ISM2: variants seen among roughly 807,000 people sequenced by gnomAD.
The protein encoded by ISM2 is isthmin 2.
A neutral mutation model predicts 58.0 loss-of-function variants in ISM2; 50 were observed. The ratio of observed to expected loss-of-function variants is 0.86; its 90% CI spans 0.69 to 1.09. ISM2 has a LOEUF of 1.09. Ranked by LOEUF, ISM2 falls within the 50% of genes least tolerant of loss-of-function variation. The pLI is 0.00. For synonymous variants in ISM2, 303 were observed against 312.4 expected, an observed-to-expected ratio of 0.97 and a Z score of 0.32; for missense variants, 723 against 745.0, an observed-to-expected ratio of 0.97 and a Z score of 0.34.
At position 77,482,546 on chromosome 14, in the gene ISM2, C is replaced by T; in HGVS notation, c.749G>A (p.Trp250Ter). The T allele has an allele frequency of 6.2e-7, 1 of 1,614,090 alleles. No individual in the cohort carries two copies. The highest frequency in any genetic ancestry group is 2.2e-5 in the East Asian group (1 of 44,882). The change falls in exon 4 of 7, where the codon TGG (tryptophan) becomes TAG (stop). Residue 250 changes from tryptophan to a stop codon, truncating the protein, a stop_gained. Transcript: ENST00000342219. LOFTEE classifies it high-confidence loss of function. ...TTTTTCCTCTCCTTTGTAGTCTCCC[C>T]AGAGGAAGGACCAGAGGGCGGGCAG... ...SWLPALWSFL[W>*]GDYKGEEKDR...
In ISM2 at chr14:77,498,644, GC is replaced by G; in HGVS notation, c.141+8del. On this transcript the variant is annotated splice_region_variant and intron_variant, in intron 1 of 6. Transcript: ENST00000342219. ...GCGCGCTCCGCAGCCCGGTGCCGCC[GC>G]CACTCACCTCTGCGAGCCTCGTGAG... 6 of 1,448,062 alleles carry G rather than the reference GC, an allele frequency of 4.1e-6. No homozygotes were observed. The highest frequency in any genetic ancestry group is 5.4e-6 in the Non-Finnish European group (6 of 1,106,156). 89.7% of individuals were successfully genotyped at this position (1,448,062 alleles called of 1,614,324 possible).
At chr14:77,477,495 C>G (rs2079105649) in intron 6 of ISM2, among the ~76,000 whole-genome samples, 1 of 152,164 alleles carries the variant, frequency 6.6e-6, no homozygotes, top group Admixed American at 6.5e-5. Flanking sequence ...CACACATTTC[C>G]CAGGCCCACC....
chr14:77,478,352 G>A (rs759661344), intron 5 of ISM2, 27 bp from the exon 6 acceptor site: 4 of 1,599,336 alleles, frequency 2.5e-6, no homozygotes, highest in Non-Finnish European at 3.4e-6. Context: ...GGCCAGGCTG[G>A]TGGCTCCGCA....
intron 3 of ISM2, chr14:77,483,744 C>T (rs1468999854): frequency 6.6e-6 from 1 of 152,162 alleles, no homozygotes; most frequent in Non-Finnish European, 1.5e-5. Context: ...CTTTTATGGT[C>T]TTTTTTCCCC....
chr14:77,480,855 G>A lies in ISM2; in HGVS notation c.973+1467C>T, dbSNP rs114850322. Among the ~76,000 whole-genome samples the A allele has an allele frequency of 5.7e-3, 862 of 151,580 alleles. 9 individuals carry two copies. Among genetic ancestry groups the A allele is most frequent in the African/African-American group, 0.019 (775 of 41,338 alleles). On this transcript the variant is annotated intron_variant, in intron 4 of 6. Transcript: ENST00000342219. ...TTACAAGGCATGAGCCACCATGCCC[G>A]GCTGTCATGAAAATTTTCTGTGAGT...
intron 1 of ISM2, among the ~76,000 whole-genome samples, chr14:77,497,769 GGGAAGGAAGGAAGGAAGGAA>G (rs1177768719): frequency 1.2e-3 from 100 of 86,210 alleles, no homozygotes; most frequent in African/African-American, 2.0e-3. Flanking sequence ...GAGGGAGGGA[GGGAAGGAAGGAAGGAAGGAA>G]GGAAGGAAGG....
intron 3 of ISM2, chr14:77,482,899 A>ATGCCAGGTATGGAC: frequency 2.2e-6 from 1 of 456,810 alleles, no homozygotes; most frequent in East Asian, 3.6e-5. Context: ...TAATTCGCAG[A>ATGCCAGGTATGGAC]TGCCAGGTAT....
intron 1 of ISM2, among the ~76,000 whole-genome samples, chr14:77,495,826 T>C (rs1594956456): frequency 6.6e-6 from 1 of 152,252 alleles, no homozygotes; most frequent in East Asian, 1.9e-4. Flanking sequence ...AATAACTAGA[T>C]CTTGTGAGGG....
intron 3 of ISM2, among the ~76,000 whole-genome samples, chr14:77,483,389 C>CT (rs2079145025): frequency 1.3e-5 from 2 of 152,012 alleles, no homozygotes; most frequent in African/African-American, 4.8e-5. Context: ...GAAACCCCGT[C>CT]TCTACTAAAA....
chr14:77,488,163 T>C (rs550254662), intron 1 of ISM2, among the ~76,000 whole-genome samples: 1 of 152,334 alleles, frequency 6.6e-6, no homozygotes, highest in Admixed American at 6.5e-5. Context: ...TTGTTCACTG[T>C]GGGATACTGT....
intron 4 of ISM2, among the ~76,000 whole-genome samples, chr14:77,480,972 G>C (rs2079128627): frequency 6.6e-6 from 1 of 152,212 alleles, no homozygotes; most frequent in Non-Finnish European, 1.5e-5. Flanking sequence ...AGGGCTCCAA[G>C]GGGAATGGCT....
rs572228822 is a variant in ISM2, at chr14:77,498,689, G to A, written c.105C>T (p.Arg35=). Residue 35 remains arginine (R), a synonymous_variant, in exon 1 of 7, where the codon CGC becomes CGT. Transcript: ENST00000342219. ...TCGTGAGGCTCCCAGGCCGTGGTCCGCGGAGCCGCGGCTTCTTCACGGGGA... is the reference window on the plus strand; with the variant it reads ...TCGTGAGGCTCCCAGGCCGTGGTCCACGGAGCCGCGGCTTCTTCACGGGGA... ...LGLPVKKPRL[R]GPRPGSLTRL... 9 of 1,481,902 alleles carry A rather than the reference G, an allele frequency of 6.1e-6. No individual in the cohort carries two copies. The highest frequency in any genetic ancestry group is 2.4e-4 in the Middle Eastern group (1 of 4,208). 91.8% of individuals were successfully genotyped at this position (1,481,902 alleles called of 1,614,324 possible).
intron 1 of ISM2, among the ~76,000 whole-genome samples, chr14:77,489,957 G>A (rs1289515989): frequency 2.6e-5 from 4 of 152,290 alleles, no homozygotes; most frequent in South Asian, 2.1e-4. Context: ...TAAGCCTCCC[G>A]GGTTCACGCT....
intron 4 of ISM2, among the ~76,000 whole-genome samples, 178 bp from the exon 5 acceptor site, chr14:77,478,893 T>C (rs1187138835): frequency 6.6e-6 from 1 of 152,166 alleles, no homozygotes; most frequent in African/African-American, 2.4e-5. Context: ...GATTCCCTTC[T>C]GCAGTGAATA....
chr14:77,490,240 G>A (rs990876055), intron 1 of ISM2, among the ~76,000 whole-genome samples: 2 of 151,970 alleles, frequency 1.3e-5, no homozygotes, highest in Non-Finnish European at 2.9e-5. Flanking sequence ...TTCGTGATCC[G>A]CCCGCCTCGG....
Position 77,478,279 on chromosome 14 carries a change from C to T in ISM2, c.1161G>A (p.Lys387=). ...DTLGLPSEEW[K]LLARNATDMH... is the part of the protein sequence containing the mutation. ...TGTCCGTAGCATTGCGGGCCAGGAG[C>T]TTCCACTCCTCACTGGGGAGGCCCA... is the stretch of plus-strand genomic sequence containing the variant. The change falls in exon 6 of 7, where the codon AAG becomes AAA. Residue 387 remains lysine (K), a synonymous_variant. Coordinates refer to ENST00000342219, the MANE Select transcript of ISM2 (RefSeq NM_199296.3). 2 of 1,614,194 alleles carry T rather than the reference C, an allele frequency of 1.2e-6. No homozygotes were observed. The highest frequency in any genetic ancestry group is 1.7e-6 in the Non-Finnish European group (2 of 1,180,024).
intron 1 of ISM2, among the ~76,000 whole-genome samples, chr14:77,493,124 T>C (rs1257930861): frequency 6.6e-6 from 1 of 152,154 alleles, no homozygotes; most frequent in African/African-American, 2.4e-5. Flanking sequence ...CAGCCCCCAG[T>C]AGCTGGGATT....
intron 6 of ISM2, among the ~76,000 whole-genome samples, chr14:77,477,328 C>G (rs1026508622): frequency 1.3e-5 from 2 of 152,132 alleles, no homozygotes; most frequent in Non-Finnish European, 2.9e-5. Context: ...GATGAGCTGT[C>G]CAGCCCCGGA....
rs1450932708 is a variant in ISM2 at position 77,483,156 on chromosome 14, T to A, written c.628-489A>T. On this transcript the variant is annotated intron_variant, in intron 3 of 6. Transcript: ENST00000342219. ...ATGGAAAATAAGTAAAAGAAAATCA[T>A]TTATGTGAAACTGAACTTCGGAAAC... is the stretch of plus-strand genomic sequence containing the variant. 3.9e-5 allele frequency among the ~76,000 whole-genome samples: 6 copies of A among 152,112 alleles called. No homozygotes were observed. In the East Asian group the frequency reaches 1.2e-3, roughly 29 times the overall value.
Sources: allele counts gnomAD v4.1 joint callset (sites outside exome capture counted in the v4.1 genomes callset), GRCh38; gene constraint gnomAD v4.1.1; transcripts MANE v1.5; gene names NCBI Gene and HGNC (gene_info 2026-07-23, HGNC 2026-07-21).